The following USP24 variants were observed in gnomAD, a reference collection of about 807,000 sequenced individuals.
USP24 encodes the protein ubiquitin specific peptidase 24.
In USP24, 97 loss-of-function variants were observed where a neutral mutation model predicts 361.6. The observed-to-expected ratio is 0.27, with a 90% CI of 0.23 to 0.32. The LOEUF (loss-of-function observed/expected upper bound fraction) is 0.32. Among genes scored for constraint, USP24 ranks in the 10% least tolerant of loss-of-function variants. The probability of loss-of-function intolerance (pLI) is 1.00; values close to 1 mark genes in which losing one functional copy is unlikely to be tolerated. For synonymous variants in USP24, 1,098 were observed against 1,124.6 expected (o/e 0.98, Z 0.47); for missense variants, 2,353 against 3,165.6 (o/e 0.74, Z 6.16).
In USP24 at chr1:55,143,084, G is replaced by C; in HGVS notation, c.2475C>G (p.Phe825Leu). 1 of 1,528,978 alleles carries C rather than the reference G, an allele frequency of 6.5e-7. No individual in the cohort carries two copies. Among genetic ancestry groups the C allele is most frequent in the Non-Finnish European group, 8.8e-7 (1 of 1,140,852 alleles). The allele number at this position is 1,528,978 out of a possible 1,614,324, so 94.7% of individuals were successfully genotyped here. A position where few individuals can be genotyped will look rare whatever the true frequency, so the allele number is the denominator to read the frequency against. The part of the protein sequence containing the change: ...VEKLELIGMD[F>L]IWKIAMESPD... The stretch of plus-strand genomic sequence containing the variant: ...GTGATTCCATGGCTATTTTCCAAAT[G>C]AAATCCATTCCTATCAATTCCAGCT... The change falls in exon 22 of 68, where the codon TTC (phenylalanine) becomes TTG (leucine). Residue 825 changes from phenylalanine to leucine, a missense_variant. Transcript: ENST00000294383.
chr1:55,207,861 G>A (rs563640567), intron 1 of USP24, among the ~76,000 whole-genome samples: 1 of 152,330 alleles, frequency 6.6e-6, no homozygotes, highest in South Asian at 2.1e-4. Flanking sequence ...CTGGCTTGAT[G>A]CTACAGGAAA....
intron 1 of USP24, among the ~76,000 whole-genome samples, chr1:55,188,763 A>T (rs948986171): frequency 1.3e-5 from 2 of 151,940 alleles, no homozygotes; most frequent in Non-Finnish European, 2.9e-5. Context: ...GTTCGAGACC[A>T]GCCTGTCCAA....
chr1:55,170,648 T>C (rs1479674586), intron 5 of USP24, among the ~76,000 whole-genome samples: 1 of 152,160 alleles, frequency 6.6e-6, no homozygotes, highest in Non-Finnish European at 1.5e-5. Flanking sequence ...AATTCCAAAG[T>C]ACATATTCAC....
intron 54 of USP24, among the ~76,000 whole-genome samples, chr1:55,091,098 A>G (rs1040244825): frequency 1.3e-4 from 20 of 152,268 alleles, no homozygotes; most frequent in South Asian, 2.1e-4. Context: ...ACCCAAAAAA[A>G]CCATAAAACC....
intron 24 of USP24, among the ~76,000 whole-genome samples, chr1:55,139,942 T>C (rs1646841928): frequency 6.6e-6 from 1 of 152,106 alleles, no homozygotes; most frequent in African/African-American, 2.4e-5. Flanking sequence ...TTTTTAATTA[T>C]GCCTCAATAA....
chr1:55,138,661 G>C lies in USP24; in HGVS notation c.2875C>G (p.Leu959Val), dbSNP rs561915388. 1 of 1,613,168 alleles carries C rather than the reference G, an allele frequency of 6.2e-7. No individual in the cohort carries two copies. Among genetic ancestry groups the C allele is most frequent in the African/African-American group, 1.3e-5 (1 of 74,994 alleles). Residue 959 changes from leucine to valine, a missense_variant, in exon 26 of 68, where the codon CTT (leucine) becomes GTT (valine). Physicochemically the swap from Leu to Val is conservative, Grantham distance 32 (BLOSUM62 1). This residue lies in a region of USP24 where 949 missense variants were observed against 1,280.5 expected (regional missense o/e 0.74). Coordinates refer to ENST00000294383, the MANE Select transcript of USP24 (RefSeq NM_015306.3). ...TCATAGGTAACATTAAGGGTTAAAA[G>C]ATGTCCATGAAATGAGGCACCATGA... ...LPHGASFHGH[L>V]LTLNVTYEST...
At chr1:55,131,137 T>C (rs1220360994) in intron 31 of USP24, among the ~76,000 whole-genome samples, 1 of 152,112 alleles carries the variant, frequency 6.6e-6, no homozygotes, top group South Asian at 2.1e-4. Flanking sequence ...AAATGACAGA[T>C]CTGGCAGGAA....
rs1461040577 is a variant in USP24, at chr1:55,071,530, C to A, written c.7800+284G>T. The A allele has an allele frequency of 3.3e-6, 4 of 1,217,926 alleles. No homozygotes were observed. In the African/African-American group the frequency reaches 6.1e-5, roughly 19 times the overall value. 75.4% of individuals were successfully genotyped at this position (1,217,926 alleles called of 1,614,324 possible). ...TAAAGTGAACAAGCTGGAACGAATC[C>A]CCCTGTGCCCTGGCTTCATCGGGAC... On this transcript the variant is annotated intron_variant, in intron 67 of 67. Coordinates refer to ENST00000294383, the MANE Select transcript of USP24 (RefSeq NM_015306.3).
At chr1:55,168,208 A>G (rs898090326) in intron 5 of USP24, among the ~76,000 whole-genome samples, 1 of 152,094 alleles carries the variant, frequency 6.6e-6, no homozygotes, top group Non-Finnish European at 1.5e-5. Flanking sequence ...GATGGGGGTC[A>G]AGGGACATTT....
intron 36 of USP24, among the ~76,000 whole-genome samples, chr1:55,121,895 A>G: frequency 6.6e-6 from 1 of 152,254 alleles, no homozygotes; most frequent in East Asian, 1.9e-4. Context: ...AATATCTCTA[A>G]GTTAAACAAT....
rs1380071324 is a variant in USP24 at position 55,120,608 on chromosome 1, C to G, written c.4496G>C (p.Gly1499Ala). 1 of 1,552,186 alleles carries G rather than the reference C, an allele frequency of 6.4e-7. No individual in the cohort carries two copies. The highest frequency in any genetic ancestry group is 1.4e-5 in the African/African-American group (1 of 73,280). Reference sequence around the variant, plus strand: ...TTTTATTACCTACCTCTGATTGACTCCTCTCATAATACTAGTTGGAGACCA... The same window carrying G: ...TTTTATTACCTACCTCTGATTGACTGCTCTCATAATACTAGTTGGAGACCA... ...PLWSPTSIMR[G>A]VNQRLLSQCM... The change falls in exon 38 of 68, where the codon GGA (glycine) becomes GCA (alanine). Residue 1499 changes from glycine to alanine, a missense_variant. By Grantham distance (60) the Gly-to-Ala change is moderately conservative. Transcript: ENST00000294383.
chr1:55,139,084 A>C (rs1646817092), intron 24 of USP24, 74 bp from the exon 25 acceptor site: 1 of 1,332,954 alleles, frequency 7.5e-7, no homozygotes, highest in African/African-American at 1.5e-5. Flanking sequence ...AGTCTGTTTC[A>C]CCAAAACCAC....
chr1:55,072,270 C>A (rs1056419928), intron 66 of USP24, 47 bp downstream of exon 66: 2 of 1,531,230 alleles, frequency 1.3e-6, no homozygotes, highest in Non-Finnish European at 1.8e-6. Context: ...CACTGAAAAT[C>A]CTCCATAAGT....
chr1:55,103,583 C>T (rs1645695037), intron 42 of USP24, among the ~76,000 whole-genome samples: 1 of 152,072 alleles, frequency 6.6e-6, no homozygotes, highest in South Asian at 2.1e-4. Context: ...TGGCCTATGC[C>T]CAGCATAAAG....
chr1:55,182,488 CCATGGGAT>C (rs1644003396), intron 1 of USP24, among the ~76,000 whole-genome samples: 3 of 152,122 alleles, frequency 2.0e-5, no homozygotes, highest in Admixed American at 1.3e-4. Flanking sequence ...TAGTTCATTA[CCATGGGAT>C]ATCCATCATT....
intron 6 of USP24, 94 bp downstream of exon 6, chr1:55,166,474 T>G: frequency 8.7e-7 from 1 of 1,143,428 alleles, no homozygotes; most frequent in Non-Finnish European, 1.2e-6. Context: ...TATTATTCTC[T>G]GCAGCTGCCA....
Position 55,097,609 on chromosome 1 carries a change from C to A in USP24, c.5704G>T (p.Glu1902Ter). Residue 1902 changes from glutamate (E) to a stop codon, truncating the protein, a stop_gained, in exon 48 of 68, where the codon GAA becomes TAA. Coordinates refer to ENST00000294383, the MANE Select transcript of USP24 (RefSeq NM_015306.3). LOFTEE classifies it high-confidence loss of function. ...AGAAAAAAAGTTACCCTTATTTGTT[C>A]ATCATATTTAATGGAGCGTCCGCTT... ...WESGRSIKYD[E>*]QIRFPWMLNM... 6.4e-7 allele frequency: 1 copy of A among 1,558,738 alleles called. No homozygotes were observed. Among genetic ancestry groups the A allele is most frequent in the Non-Finnish European group, 8.7e-7 (1 of 1,152,980 alleles).
At position 55,121,440 on chromosome 1, in the gene USP24, G is replaced by A; in HGVS notation, c.4343C>T (p.Ala1448Val). The A allele has an allele frequency of 6.2e-7, 1 of 1,613,402 alleles. No homozygotes were observed. Among genetic ancestry groups the A allele is most frequent in the Non-Finnish European group, 8.5e-7 (1 of 1,179,658 alleles). Residue 1448 changes from alanine to valine, a missense_variant, in exon 37 of 68, where the codon GCT (alanine) becomes GTT (valine). Ala to Val is a moderately conservative substitution (Grantham distance 64, BLOSUM62 0). Around this residue, in one of 8 missense-constraint regions of USP24, gnomAD observed 949 missense variants for 1,280.5 expected, o/e 0.74. Coordinates refer to ENST00000294383, the MANE Select transcript of USP24 (RefSeq NM_015306.3). Reference sequence around the variant, plus strand: ...AGTAATGTGAAAAATCCTTACCTCAGCACTTGGTGATCCGAGCAGAATATC... The same window carrying A: ...AGTAATGTGAAAAATCCTTACCTCAACACTTGGTGATCCGAGCAGAATATC... The part of the protein sequence containing the change: ...IIDILLGSPS[A>V]EIRRVACDQL...
chr1:55,138,267 A>G (rs552522611), intron 26 of USP24, among the ~76,000 whole-genome samples: 2 of 152,096 alleles, frequency 1.3e-5, no homozygotes, highest in African/African-American at 4.8e-5. Flanking sequence ...TTACCCTGTC[A>G]CTTTACTCAA....
Sources: gnomAD v4.1 joint callset for allele counts (sites outside exome capture counted in the v4.1 genomes callset) on GRCh38, gnomAD v4.1.1 for gene constraint, gnomAD v4.1.1 regional missense constraint, MANE v1.5 for transcripts, NCBI Gene and HGNC (gene_info 2026-07-23, HGNC 2026-07-21) for gene names.